The following SLC9B1 variants were observed in gnomAD, a reference collection of about 807,000 sequenced individuals.
SLC9B1 encodes sodium/hydrogen exchanger 9B1.
SLC9B1 carries 32 observed loss-of-function variants against 51.7 expected under a neutral mutation model. The observed-to-expected ratio is 0.62, with a 90% CI of 0.47 to 0.83. The LOEUF is 0.83. SLC9B1 is among the 40% of genes least tolerant of loss of function. The probability of loss-of-function intolerance (pLI) is 0.00; values close to 1 mark genes in which losing one functional copy is unlikely to be tolerated. For synonymous variants in SLC9B1, 145 were observed against 212.7 expected (o/e 0.68, Z 2.77); for missense variants, 406 against 613.2 (o/e 0.66, Z 3.57).
At chr4:102,895,378 A>T (rs1356898596) in intron 11 of SLC9B1, among the ~76,000 whole-genome samples, 1 of 152,218 alleles carries the variant, frequency 6.6e-6, no homozygotes, top group Non-Finnish European at 1.5e-5. Flanking sequence ...AAGAGAAAGA[A>T]AATAGAAGAC....
At chr4:102,923,379 C>A (rs1353430786) in intron 7 of SLC9B1, among the ~76,000 whole-genome samples, 1 of 152,180 alleles carries the variant, frequency 6.6e-6, no homozygotes, top group Non-Finnish European at 1.5e-5. Flanking sequence ...ATGCTAAGAA[C>A]TCTCAATAAA....
downstream of SLC9B1, chr4:102,897,118 T>C (rs1734578292): frequency 6.5e-6 from 1 of 154,206 alleles, no homozygotes. Context: ...GAAAACAAAT[T>C]GATGTTGGTC....
intron 3 of SLC9B1, among the ~76,000 whole-genome samples, chr4:102,972,702 T>C (rs2110500555): frequency 6.6e-6 from 1 of 152,302 alleles, no homozygotes; most frequent in South Asian, 2.1e-4. Flanking sequence ...TTTGTAATTG[T>C]TGTACAACTC....
intron 7 of SLC9B1, among the ~76,000 whole-genome samples, chr4:102,920,842 G>C (rs1735837355): frequency 6.6e-6 from 1 of 152,158 alleles, no homozygotes; most frequent in South Asian, 2.1e-4. Flanking sequence ...GAAATAAAGT[G>C]AGAAGACAAG....
rs573998401 is a variant in SLC9B1 at position 102,945,389 on chromosome 4, T to C, written c.526-69A>G. ...AACAAGAAAATTATTTTAACAAATG[T>C]CAAACTATAAAGTCTTTTTTCATAA... On this transcript the variant is annotated intron_variant, in intron 5 of 11. Coordinates refer to ENST00000296422, the MANE Select transcript of SLC9B1 (RefSeq NM_139173.4). The C allele has an allele frequency of 1.7e-5, 25 of 1,461,616 alleles. 1 individual carries two copies. The African/African-American group carries it at 3.4e-4, about 20-fold the overall frequency. The allele number at this position is 1,461,616 out of a possible 1,614,324, so 90.5% of individuals were successfully genotyped here.
chr4:102,915,490 G>A (rs1735535130), intron 7 of SLC9B1, among the ~76,000 whole-genome samples: 1 of 152,142 alleles, frequency 6.6e-6, no homozygotes, highest in South Asian at 2.1e-4. Context: ...GCAGGCCTGG[G>A]CTAAAGCAAT....
intron 3 of SLC9B1, among the ~76,000 whole-genome samples, chr4:102,982,860 C>T (rs556712859): frequency 3.9e-5 from 6 of 152,162 alleles, no homozygotes; most frequent in African/African-American, 1.4e-4. Context: ...CCTTCCTAAC[C>T]TGTATACCTT....
At chr4:102,929,902 T>C (rs918395523) in intron 7 of SLC9B1, among the ~76,000 whole-genome samples, 1 of 152,222 alleles carries the variant, frequency 6.6e-6, no homozygotes, top group African/African-American at 2.4e-5. Flanking sequence ...GAAAAGATTT[T>C]CACAATTGAC....
At chr4:102,910,329 A>G in intron 9 of SLC9B1, 110 bp downstream of exon 9, 1 of 911,958 alleles carries the variant, frequency 1.1e-6, no homozygotes, top group Non-Finnish European at 1.6e-6. Flanking sequence ...TTTCTTGAGG[A>G]CAGAAAACCT....
chr4:102,990,371 T>C (rs1445459146), intron 2 of SLC9B1, among the ~76,000 whole-genome samples: 1 of 151,876 alleles, frequency 6.6e-6, no homozygotes, highest in African/African-American at 2.4e-5. Context: ...GAAAGAAAAA[T>C]GAGAAAAACA....
intron 1 of SLC9B1, among the ~76,000 whole-genome samples, chr4:103,003,989 A>C (rs564093828): frequency 2.0e-5 from 3 of 152,224 alleles, no homozygotes; most frequent in Non-Finnish European, 4.4e-5. Context: ...ATGAGCCCAC[A>C]CAGATGAGAA....
At chr4:102,987,749 G>C (rs1739716442) in intron 3 of SLC9B1, among the ~76,000 whole-genome samples, 1 of 152,106 alleles carries the variant, frequency 6.6e-6, no homozygotes, top group Non-Finnish European at 1.5e-5. Flanking sequence ...TTTCCACACA[G>C]AGCTTTAGCC....
At chr4:102,893,310 A>AAG in intron 11 of SLC9B1, among the ~76,000 whole-genome samples, 9 of 150,434 alleles carry the variant, frequency 6.0e-5, no homozygotes, top group Non-Finnish European at 1.0e-4. Flanking sequence ...AAAAAAGAAA[A>AAG]AGAAAAAAGA....
intron 6 of SLC9B1, among the ~76,000 whole-genome samples, chr4:102,943,835 A>G (rs1047780616): frequency 3.3e-5 from 5 of 152,110 alleles, no homozygotes; most frequent in African/African-American, 1.2e-4. Context: ...CTCAGAAATT[A>G]CCACTAAAAA....
chr4:102,925,388 A>G (rs1736107405), intron 7 of SLC9B1, among the ~76,000 whole-genome samples: 1 of 152,092 alleles, frequency 6.6e-6, no homozygotes, highest in Non-Finnish European at 1.5e-5. Context: ...GGAACATCAC[A>G]CACTGGGGCC....
chr4:102,955,225 C>G (rs1417086152), intron 3 of SLC9B1, among the ~76,000 whole-genome samples: 1 of 152,144 alleles, frequency 6.6e-6, no homozygotes, highest in Non-Finnish European at 1.5e-5. Context: ...GATCTGATGG[C>G]TTTATCAGGG....
At chr4:102,898,970 T>G (rs1734664743), downstream of SLC9B1, among the ~76,000 whole-genome samples, 2 of 152,144 alleles carry the variant, frequency 1.3e-5, no homozygotes, top group South Asian at 4.1e-4. Flanking sequence ...CTCCCTCCCC[T>G]GACCTCATGA....
intron 3 of SLC9B1, among the ~76,000 whole-genome samples, chr4:102,967,271 C>A (rs1303072457): frequency 6.6e-6 from 1 of 152,174 alleles, no homozygotes; most frequent in Non-Finnish European, 1.5e-5. Context: ...TTCTAGTCTG[C>A]TCCTTCAAAC....
At chr4:102,933,912 C>T (rs1288123346) in intron 6 of SLC9B1, among the ~76,000 whole-genome samples, 1 of 152,008 alleles carries the variant, frequency 6.6e-6, no homozygotes, top group Non-Finnish European at 1.5e-5. Context: ...TCAATTTTAC[C>T]ATCGCCCAAC....
Sources: allele counts gnomAD v4.1 joint callset (sites outside exome capture counted in the v4.1 genomes callset), GRCh38; gene constraint gnomAD v4.1.1; transcripts MANE v1.5; gene names NCBI Gene and HGNC (gene_info 2026-07-23, HGNC 2026-07-21).